The following DLG5 variants were observed in gnomAD, a reference collection of about 807,000 sequenced individuals.
The protein encoded by DLG5 is disks large homolog 5.
Under a neutral mutation model 189.8 loss-of-function variants are expected in DLG5, and 48 were observed. That is an observed-to-expected ratio of 0.25 (90% CI 0.20 to 0.32). DLG5 has a LOEUF of 0.32. Among genes scored for constraint, DLG5 ranks in the 10% least tolerant of loss-of-function variants. The pLI, the probability that DLG5 is intolerant of heterozygous loss-of-function variation, is 1.00. For missense variants in DLG5, 2,160 were observed against 2,544.7 expected (o/e 0.85, Z 3.25); for synonymous variants, 1,016 against 1,054.1 (o/e 0.96, Z 0.70).
intron 2 of DLG5, chr10:77,867,951 C>T (rs190809433): frequency 4.4e-5 from 20 of 456,652 alleles, no homozygotes; most frequent in East Asian, 4.2e-4. Context: ...CACACATGGA[C>T]GGAGAACATC....
At chr10:77,822,282 A>C (rs1398142443) in intron 14 of DLG5, among the ~76,000 whole-genome samples, 181 bp from the exon 15 acceptor site, 2 of 152,214 alleles carry the variant, frequency 1.3e-5, no homozygotes, top group African/African-American at 2.4e-5. Flanking sequence ...CTAATGGATA[A>C]GTTTTCTCAT....
chr10:77,903,635 A>G (rs1001390011), intron 1 of DLG5, among the ~76,000 whole-genome samples: 2 of 151,592 alleles, frequency 1.3e-5, no homozygotes, highest in Admixed American at 6.6e-5. Flanking sequence ...CATCTCAAAA[A>G]AAAAAAAAAA....
At chr10:77,882,440 A>T (rs1355481342) in intron 1 of DLG5, among the ~76,000 whole-genome samples, 1 of 152,112 alleles carries the variant, frequency 6.6e-6, no homozygotes, top group African/African-American at 2.4e-5. Context: ...CCTCCTCAGG[A>T]GGCTCAGGTC....
intron 31 of DLG5, chr10:77,793,688 C>T (rs180823215): frequency 0.011 from 3,671 of 347,504 alleles, 40 homozygotes; most frequent in Non-Finnish European, 0.013. Flanking sequence ...CTCCAGTCCC[C>T]GCCCTGCCTG....
chr10:77,930,795 G>A (rs544186177), upstream of DLG5, among the ~76,000 whole-genome samples: 4 of 148,822 alleles, frequency 2.7e-5, no homozygotes, highest in South Asian at 4.3e-4. Flanking sequence ...TTACAGGTGC[G>A]TATGACCACA....
Position 77,869,163 on chromosome 10 carries a change from T to C in DLG5, c.339A>G (p.Ser113=). The change falls in exon 2 of 32, where the codon TCA becomes TCG. Residue 113 remains serine (S), a synonymous_variant. Transcript: ENST00000372391. ...TGAGGGAGCTGCTGCTTTCTGAGTC[T>C]GAGGGCATGGTGGACAGGACGCTGT... The part of the protein sequence containing the change: ...STYSVLSTMP[S]DSESSSSLSS... 1 of 1,613,848 alleles carries C rather than the reference T, an allele frequency of 6.2e-7. No homozygotes were observed. Among genetic ancestry groups the C allele is most frequent in the Non-Finnish European group, 8.5e-7 (1 of 1,179,926 alleles).
In DLG5 at chr10:77,792,322, G is replaced by T; in HGVS notation, c.*118C>A. The T allele has an allele frequency of 9.5e-7, 1 of 1,057,476 alleles. No individual in the cohort carries two copies. The highest frequency in any genetic ancestry group is 1.4e-6 in the Non-Finnish European group (1 of 696,228). The allele number at this position is 1,057,476 out of a possible 1,614,324, so 65.5% of individuals were successfully genotyped here. Reference sequence around the variant, plus strand: ...GGAGGTGCTTCTGGGTCCTGGTTCCGGATCCTTCCCCCGCATGTTCATAGA... The same window carrying T: ...GGAGGTGCTTCTGGGTCCTGGTTCCTGATCCTTCCCCCGCATGTTCATAGA... On this transcript the variant is annotated 3_prime_UTR_variant, in exon 32 of 32. Transcript: ENST00000372391.
intron 7 of DLG5, among the ~76,000 whole-genome samples, chr10:77,840,777 G>C (rs1843380095): frequency 6.6e-6 from 1 of 152,128 alleles, no homozygotes; most frequent in African/African-American, 2.4e-5. Flanking sequence ...TGACTGAGGA[G>C]GGCCATCTCC....
At chr10:77,852,135 G>A (rs574510032) in intron 5 of DLG5, among the ~76,000 whole-genome samples, 1 of 152,286 alleles carries the variant, frequency 6.6e-6, no homozygotes, top group African/African-American at 2.4e-5. Flanking sequence ...CACTTTGGGA[G>A]GCCAAGGTGG....
upstream of DLG5, among the ~76,000 whole-genome samples, chr10:77,931,667 A>C (rs1422939191): frequency 1.3e-5 from 2 of 151,926 alleles, no homozygotes; most frequent in Admixed American, 6.6e-5. Context: ...GGCTTCATCC[A>C]CTGGGGACAT....
intron 2 of DLG5, chr10:77,866,767 G>A (rs1411133184): frequency 8.5e-6 from 3 of 354,896 alleles, no homozygotes; most frequent in African/African-American, 6.4e-5. Flanking sequence ...GCATCCCCAT[G>A]TACTGGCTGA....
chr10:77,919,584 CTTTTTTTTTTTTTTT>C (rs71030919), intron 1 of DLG5, among the ~76,000 whole-genome samples: 5 of 67,740 alleles, frequency 7.4e-5, no homozygotes, highest in South Asian at 1.4e-3. Flanking sequence ...CAGTTCAGGG[CTTTTTTTTTTTTTTT>C]TTTTTTTTTT....
At chr10:77,902,056 G>A (rs899703605) in intron 1 of DLG5, among the ~76,000 whole-genome samples, 2 of 152,196 alleles carry the variant, frequency 1.3e-5, no homozygotes, top group African/African-American at 2.4e-5. Context: ...CGCTGCCACC[G>A]AGCTGCACTC....
intron 26 of DLG5, 48 bp downstream of exon 26, chr10:77,806,710 C>T: frequency 6.9e-7 from 1 of 1,449,108 alleles, no homozygotes; most frequent in Middle Eastern, 2.2e-4. Context: ...GGCTGGTGGC[C>T]CTCGGCGACC....
intron 1 of DLG5, among the ~76,000 whole-genome samples, chr10:77,924,772 CAGA>C (rs1181209242): frequency 6.6e-6 from 1 of 152,138 alleles, no homozygotes; most frequent in Non-Finnish European, 1.5e-5. Flanking sequence ...AGATGCAAGT[CAGA>C]AGCTCAAAGT....
chr10:77,859,994 T>G (rs1844408861), intron 2 of DLG5, among the ~76,000 whole-genome samples: 1 of 152,246 alleles, frequency 6.6e-6, no homozygotes, highest in African/African-American at 2.4e-5. Context: ...ATAACCTACC[T>G]GACTCTCCAA....
chr10:77,869,101 G>A (rs372396496), intron 2 of DLG5, 28 bp downstream of exon 2: 34 of 1,606,842 alleles, frequency 2.1e-5, no homozygotes, highest in African/African-American at 1.2e-4. Context: ...TGGCCCACCC[G>A]GTGTCCTCCC....
At chr10:77,912,590 A>G (rs1164164175) in intron 1 of DLG5, 1 of 152,208 alleles carries the variant, frequency 6.6e-6, no homozygotes, top group East Asian at 1.9e-4. Flanking sequence ...GCTCACTGCA[A>G]TTGACCTTCT....
chr10:77,851,180 G>A (rs918954456), intron 5 of DLG5, among the ~76,000 whole-genome samples: 6 of 152,318 alleles, frequency 3.9e-5, no homozygotes, highest in East Asian at 1.9e-4. Flanking sequence ...ACACAGCACC[G>A]CCATCCTTAC....
Sources: allele counts gnomAD v4.1 joint callset (sites outside exome capture counted in the v4.1 genomes callset), GRCh38; gene constraint gnomAD v4.1.1; transcripts MANE v1.5; gene names NCBI Gene and HGNC (gene_info 2026-07-23, HGNC 2026-07-21).